The following TBATA variants were observed in gnomAD, a reference collection of about 807,000 sequenced individuals.
TBATA encodes thymus, brain and testes associated, also known as protein TBATA.
A neutral mutation model predicts 38.7 loss-of-function variants in TBATA; 47 were observed. That is an observed-to-expected ratio of 1.21 (90% confidence interval 0.96 to 1.55). TBATA has a LOEUF of 1.55. Ranked by LOEUF, TBATA falls within the 40% of genes most tolerant of loss-of-function variation. The probability of loss-of-function intolerance (pLI) is 0.00; values close to 1 mark genes in which losing one functional copy is unlikely to be tolerated. For missense variants in TBATA, 436 were observed against 435.6 expected, an observed-to-expected ratio of 1.00 and a Z score of -0.01; for synonymous variants, 183 against 170.5, an observed-to-expected ratio of 1.07 and a Z score of -0.57.
intron 2 of TBATA, among the ~76,000 whole-genome samples, chr10:70,783,809 A>C (rs1341632046): frequency 6.6e-6 from 1 of 152,246 alleles, no homozygotes; most frequent in Non-Finnish European, 1.5e-5. Flanking sequence ...ACATGGATGA[A>C]TCTTATAATC....
At chr10:70,773,615 A>G (rs1001297621) in intron 9 of TBATA, among the ~76,000 whole-genome samples, 1 of 152,184 alleles carries the variant, frequency 6.6e-6, no homozygotes, top group Non-Finnish European at 1.5e-5. Context: ...CAGTCAGGTT[A>G]CTTTGGGTAG....
intron 2 of TBATA, among the ~76,000 whole-genome samples, chr10:70,784,369 T>C (rs1844630318): frequency 6.6e-6 from 1 of 152,156 alleles, no homozygotes; most frequent in Non-Finnish European, 1.5e-5. Flanking sequence ...ATGGCATAGA[T>C]GAAAGATGAT....
intron 5 of TBATA, 171 bp from the exon 6 acceptor site, chr10:70,778,807 A>C: frequency 1.4e-5 from 8 of 565,374 alleles, no homozygotes; most frequent in Middle Eastern, 4.1e-4. Context: ...GATTCACACC[A>C]TGGGTGGTGG....
intron 1 of TBATA, 25 bp from the exon 2 acceptor site, chr10:70,784,798 A>G (rs1172600450): frequency 6.6e-6 from 1 of 152,338 alleles, no homozygotes; most frequent in East Asian, 1.9e-4. Context: ...ACTCTTTAGA[A>G]CAGAGACTTG....
intron 7 of TBATA, chr10:70,776,468 C>T: frequency 2.2e-6 from 1 of 451,848 alleles, no homozygotes; most frequent in Admixed American, 2.4e-5. Context: ...TTGGCAGGGC[C>T]TCGGCCTCCC....
Position 70,771,302 on chromosome 10 carries a change from G to T in TBATA, c.*74C>A. 6.2e-6 allele frequency: 10 copies of T among 1,613,512 alleles called. No individual in the cohort carries two copies. Among genetic ancestry groups the T allele is most frequent in the Non-Finnish European group, 8.5e-6 (10 of 1,179,618 alleles). On this transcript the variant is annotated 3_prime_UTR_variant, in exon 11 of 11. Coordinates refer to ENST00000456372, the MANE Select transcript of TBATA (RefSeq NM_001318241.2). Reference sequence around the variant, plus strand: ...GTAGGGAATCAGGTACTGCTGTGAAGGTGGTGGAGACAGAAACACCCCTGA... The same window carrying T: ...GTAGGGAATCAGGTACTGCTGTGAATGTGGTGGAGACAGAAACACCCCTGA...
intron 5 of TBATA, among the ~76,000 whole-genome samples, chr10:70,779,329 A>G (rs35312461): frequency 0.11 from 16,787 of 152,270 alleles, 1,067 homozygotes; most frequent in Non-Finnish European, 0.14. Flanking sequence ...CAGGCTCAAC[A>G]TCTGCTTGCC....
rs749992519 is a variant in TBATA, at chr10:70,772,524, G to A, written c.963C>T (p.Ser321=). 47 of 1,613,972 alleles carry A rather than the reference G, an allele frequency of 2.9e-5. No homozygotes were observed. Among genetic ancestry groups the A allele is most frequent in the Middle Eastern group, 1.6e-4 (1 of 6,084 alleles). ...TACTTGGAATCTTACCTGGTTTTTC[G>A]CTTTTTGTAAAAGGTGATATCTTCG... ...KKTKISPFTK[S]EKPEYIGEAQ... is the part of the protein sequence containing the mutation. Residue 321 remains serine (S), a synonymous_variant, in exon 10 of 11, where the codon AGC becomes AGT. Coordinates refer to ENST00000456372, the MANE Select transcript of TBATA (RefSeq NM_001318241.2).
intron 9 of TBATA, 99 bp from the exon 10 acceptor site, chr10:70,772,665 G>A: frequency 1.6e-6 from 2 of 1,245,480 alleles, no homozygotes; most frequent in Non-Finnish European, 2.4e-6. Flanking sequence ...TGGTGCAGGT[G>A]CAGTCAGCTG....
intron 6 of TBATA, among the ~76,000 whole-genome samples, chr10:70,778,139 G>T (rs953930575): frequency 6.6e-6 from 1 of 151,944 alleles, no homozygotes; most frequent in Non-Finnish European, 1.5e-5. Flanking sequence ...CTCCTTATGC[G>T]ATTAGACACT....
intron 6 of TBATA, 127 bp downstream of exon 6, chr10:70,778,430 G>C (rs1405462416): frequency 6.4e-6 from 6 of 930,798 alleles, no homozygotes; most frequent in Non-Finnish European, 1.1e-5. Flanking sequence ...CCTTTCCCCT[G>C]ACGTTTGTAT....
intron 7 of TBATA, among the ~76,000 whole-genome samples, chr10:70,775,474 G>C (rs1012510915): frequency 6.6e-6 from 1 of 152,334 alleles, no homozygotes; most frequent in African/African-American, 2.4e-5. Flanking sequence ...TCTCACAACA[G>C]TCCAGGAGGA....
At chr10:70,782,128 T>C (rs927665696) in intron 3 of TBATA, 92 bp from the exon 4 acceptor site, 3 of 1,376,524 alleles carry the variant, frequency 2.2e-6, no homozygotes, top group Non-Finnish European at 3.0e-6. Flanking sequence ...ACAGAACCCC[T>C]TCCTGAGGAG....
At chr10:70,779,541 T>TG in intron 5 of TBATA, 52 bp downstream of exon 5, 3 of 1,436,422 alleles carry the variant, frequency 2.1e-6, no homozygotes, top group Non-Finnish European at 2.7e-6. Flanking sequence ...GAGGCAGCCT[T>TG]GGGGAGAGGC....
At chr10:70,780,558 C>T (rs374313617) in intron 4 of TBATA, among the ~76,000 whole-genome samples, 1 of 151,808 alleles carries the variant, frequency 6.6e-6, no homozygotes, top group African/African-American at 2.4e-5. Context: ...CCAGGCCCAC[C>T]ACTTGAAACA....
chr10:70,781,494 G>T (rs1051481299), intron 4 of TBATA, among the ~76,000 whole-genome samples: 1 of 152,220 alleles, frequency 6.6e-6, no homozygotes, highest in African/African-American at 2.4e-5. Context: ...GGCTGACATG[G>T]CCTAAGTTAG....
rs1843100149 is a variant in TBATA at position 70,774,241 on chromosome 10, G to C, written c.892C>G (p.Pro298Ala). 1 of 1,612,326 alleles carries C rather than the reference G, an allele frequency of 6.2e-7. No homozygotes were observed. The highest frequency in any genetic ancestry group is 1.3e-5 in the African/African-American group (1 of 74,954). Residue 298 changes from proline to alanine, a missense_variant, in exon 9 of 11, where the codon CCT becomes GCT. Pro to Ala is a conservative substitution (Grantham distance 27). Coordinates refer to ENST00000456372, the MANE Select transcript of TBATA (RefSeq NM_001318241.2). ...CAGGGTGGCTCTTGCTTCTCTTGAG[G>C]AGGTTCATGCACTTCTGGAAGCTGG... ...LSQLPEVHEPPQEKQEPPCSQ... is the reference protein window; with the variant it reads ...LSQLPEVHEPAQEKQEPPCSQ...
chr10:70,778,483 C>T (rs764884931), intron 6 of TBATA, 74 bp downstream of exon 6: 16 of 1,453,664 alleles, frequency 1.1e-5, no homozygotes, highest in Admixed American at 5.0e-5. Context: ...TGAACTGACT[C>T]GGGAGGGATC....
chr10:70,776,663 C>A (rs960414460), intron 7 of TBATA, among the ~76,000 whole-genome samples: 3 of 152,134 alleles, frequency 2.0e-5, no homozygotes, highest in Non-Finnish European at 2.9e-5. Context: ...GACGCCTTCA[C>A]CCACCGGGAT....
Sources: gnomAD v4.1 joint callset for allele counts (sites outside exome capture counted in the v4.1 genomes callset) on GRCh38, gnomAD v4.1.1 for gene constraint, MANE v1.5 for transcripts, NCBI Gene and HGNC (gene_info 2026-07-23, HGNC 2026-07-21) for gene names.